Variants in RABGAP1L observed in about 807,000 individuals in gnomAD.
The protein encoded by RABGAP1L is RAB GTPase activating protein 1 like, also known as rab GTPase-activating protein 1-like.
RABGAP1L carries 63 observed loss-of-function variants against 137.7 expected under a neutral mutation model. The observed-to-expected ratio is 0.46, with a 90% CI of 0.37 to 0.56. The LOEUF (loss-of-function observed/expected upper bound fraction) is 0.56. RABGAP1L is among the 20% of genes least tolerant of loss of function. The pLI, the probability that RABGAP1L is intolerant of heterozygous loss-of-function variation, is 0.00. For missense variants in RABGAP1L, 1,095 were observed against 1,244.0 expected, an observed-to-expected ratio of 0.88 and a Z score of 1.80; for synonymous variants, 431 against 433.7, an observed-to-expected ratio of 0.99 and a Z score of 0.08.
intron 1 of RABGAP1L, among the ~76,000 whole-genome samples, chr1:174,179,760 GA>G (rs922384218): frequency 6.6e-6 from 1 of 152,160 alleles, no homozygotes; most frequent in African/African-American, 2.4e-5. Flanking sequence ...CTGACCTTAT[GA>G]ACTCTCTGAA....
At chr1:174,912,886 T>G (rs1236564608) in intron 19 of RABGAP1L, among the ~76,000 whole-genome samples, 1 of 152,160 alleles carries the variant, frequency 6.6e-6, no homozygotes, top group African/African-American at 2.4e-5. Context: ...GTGTGAAAGC[T>G]TTTGTCTCTT....
intron 13 of RABGAP1L, among the ~76,000 whole-genome samples, chr1:174,566,093 T>C (rs907027638): frequency 6.6e-6 from 1 of 152,172 alleles, no homozygotes; most frequent in Non-Finnish European, 1.5e-5. Context: ...TTGCCCAGGC[T>C]AATACTTTAC....
chr1:174,776,798 A>G (rs1686562888), intron 18 of RABGAP1L, among the ~76,000 whole-genome samples: 1 of 152,178 alleles, frequency 6.6e-6, no homozygotes, highest in Admixed American at 6.5e-5. Context: ...AGCTGGCTGT[A>G]TGTTTTGGCT....
intron 15 of RABGAP1L, 138 bp from the exon 16 acceptor site, chr1:174,699,387 A>G: frequency 6.6e-6 from 4 of 608,158 alleles, no homozygotes; most frequent in Non-Finnish European, 1.1e-5. Flanking sequence ...TCACTCTGCC[A>G]AAGACTGGCT....
intron 19 of RABGAP1L, among the ~76,000 whole-genome samples, chr1:174,840,655 A>G (rs1369029892): frequency 1.3e-5 from 2 of 151,472 alleles, no homozygotes; most frequent in Non-Finnish European, 2.9e-5. Flanking sequence ...AAACAAAAAA[A>G]AAGAAAAAAA....
chr1:174,759,280 AT>A (rs199930271), intron 18 of RABGAP1L, among the ~76,000 whole-genome samples: 8 of 111,946 alleles, frequency 7.1e-5, no homozygotes, highest in Admixed American at 4.0e-4. Flanking sequence ...TGGGTAATTT[AT>A]TTAAAAAAAA....
intron 1 of RABGAP1L, among the ~76,000 whole-genome samples, chr1:174,186,400 AT>A (rs1460431301): frequency 2.6e-5 from 4 of 152,244 alleles, no homozygotes; most frequent in African/African-American, 9.6e-5. Context: ...TGATTTGGCA[AT>A]GTTTTGGCAA....
intron 13 of RABGAP1L, among the ~76,000 whole-genome samples, chr1:174,410,458 G>A (rs988372674): frequency 6.6e-6 from 1 of 152,024 alleles, no homozygotes; most frequent in African/African-American, 2.4e-5. Flanking sequence ...GTAATAGCAG[G>A]GATAATGTGT....
rs536384501 is a variant in RABGAP1L, at chr1:174,283,355, G to A, written c.1323+4576G>A. Among the ~76,000 whole-genome samples, 11 of 152,126 alleles carry A rather than the reference G, an allele frequency of 7.2e-5. No individual in the cohort carries two copies. In the Middle Eastern group the frequency reaches 0.01, roughly 141 times the overall value. On this transcript the variant is annotated intron_variant, in intron 10 of 25. Transcript: ENST00000681986. Reference sequence around the variant, plus strand: ...CAGGAGGTTGAGGCTTCAGTGAGCCGTGATCATGCCACTTGCACTCCAGCC... The same window carrying A: ...CAGGAGGTTGAGGCTTCAGTGAGCCATGATCATGCCACTTGCACTCCAGCC...
chr1:174,516,120 T>TACACACACACACACACAC (rs61414923), intron 13 of RABGAP1L, among the ~76,000 whole-genome samples: 43 of 133,302 alleles, frequency 3.2e-4, no homozygotes, highest in African/African-American at 9.4e-4. Context: ...ACTGAAGCTC[T>TACACACACACACACACAC]ACACACACAC....
At chr1:174,214,318 T>C (rs1008367084) in intron 1 of RABGAP1L, among the ~76,000 whole-genome samples, 2 of 152,024 alleles carry the variant, frequency 1.3e-5, no homozygotes, top group Non-Finnish European at 2.9e-5. Context: ...CCATAAAACA[T>C]TGATGTAAGA....
At chr1:174,884,641 A>G (rs1473560962) in intron 19 of RABGAP1L, among the ~76,000 whole-genome samples, 3 of 152,250 alleles carry the variant, frequency 2.0e-5, no homozygotes, top group Non-Finnish European at 4.4e-5. Context: ...ATCTTGTGCT[A>G]TCTTAAATAA....
intron 19 of RABGAP1L, among the ~76,000 whole-genome samples, chr1:174,927,748 T>G (rs543130058): frequency 6.6e-6 from 1 of 152,308 alleles, no homozygotes; most frequent in African/African-American, 2.4e-5. Flanking sequence ...ATATTTTAAA[T>G]AGTAAAAATG....
intron 18 of RABGAP1L, among the ~76,000 whole-genome samples, chr1:174,772,458 C>T (rs1336730577): frequency 6.8e-6 from 1 of 147,538 alleles, no homozygotes; most frequent in Non-Finnish European, 1.5e-5. Context: ...TGCCTGGCTA[C>T]TCAGGAGACT....
intron 13 of RABGAP1L, among the ~76,000 whole-genome samples, chr1:174,429,200 A>G (rs946110089): frequency 2.0e-5 from 3 of 152,220 alleles, no homozygotes; most frequent in Non-Finnish European, 4.4e-5. Context: ...AAGGCAATAG[A>G]ATTATATTAG....
chr1:174,633,222 A>T (rs1460729593), intron 13 of RABGAP1L, among the ~76,000 whole-genome samples: 17 of 148,946 alleles, frequency 1.1e-4, no homozygotes, highest in African/African-American at 2.2e-4. Flanking sequence ...AATCACAAGC[A>T]TTCTTATACA....
intron 19 of RABGAP1L, among the ~76,000 whole-genome samples, chr1:174,863,489 T>A (rs1348532738): frequency 2.7e-5 from 4 of 150,130 alleles, no homozygotes; most frequent in Non-Finnish European, 5.9e-5. Flanking sequence ...CTGGCTAACA[T>A]GGTGAAACCC....
intron 19 of RABGAP1L, among the ~76,000 whole-genome samples, chr1:174,896,715 G>A (rs1399879030): frequency 6.6e-6 from 1 of 152,080 alleles, no homozygotes; most frequent in Non-Finnish European, 1.5e-5. Context: ...CCCATTTCTT[G>A]TTTTTGTCAG....
Position 174,167,379 on chromosome 1 carries a change from G to A in RABGAP1L, c.-34+7722G>A, listed in dbSNP as rs185837365. ...AGATATACACGCATACACATAGTGT[G>A]CATATATGTATGTGTAGACATACAT... On this transcript the variant is annotated intron_variant, in intron 1 of 25. Coordinates refer to ENST00000681986, the MANE Select transcript of RABGAP1L (RefSeq NM_001366446.1). Among the ~76,000 whole-genome samples, 1,037 of 152,200 alleles carry A rather than the reference G, an allele frequency of 6.8e-3. 7 individuals are homozygous for A. The highest frequency in any genetic ancestry group is 0.011 in the Non-Finnish European group (779 of 68,016).
Sources: gnomAD v4.1 joint callset for allele counts (sites outside exome capture counted in the v4.1 genomes callset) on GRCh38, gnomAD v4.1.1 for gene constraint, MANE v1.5 for transcripts, NCBI Gene and HGNC (gene_info 2026-07-23, HGNC 2026-07-21) for gene names.